CFAP45: variants seen among roughly 807,000 people sequenced by gnomAD.
The protein encoded by CFAP45 is cilia- and flagella-associated protein 45.
Under a neutral mutation model 75.6 loss-of-function variants are expected in CFAP45, and 43 were observed. The ratio of observed to expected loss-of-function variants is 0.57; its 90% CI spans 0.45 to 0.73. The LOEUF is 0.73. CFAP45 is among the 30% of genes least tolerant of loss of function. The pLI is 0.00. For synonymous variants in CFAP45, 223 were observed against 244.6 expected (o/e 0.91, Z 0.82); for missense variants, 689 against 701.5 (o/e 0.98, Z 0.20).
At chr1:159,881,426 C>T (rs1429094592) in intron 7 of CFAP45, among the ~76,000 whole-genome samples, 10 of 152,234 alleles carry the variant, frequency 6.6e-5, no homozygotes, top group Non-Finnish European at 1.5e-4. Context: ...TGGCGACACA[C>T]CTCTTGCAAG....
Position 159,888,331 on chromosome 1 carries a change from A to T in CFAP45, c.417+21T>A, listed in dbSNP as rs750940499. The T allele has an allele frequency of 1.9e-6, 3 of 1,611,916 alleles. No homozygotes were observed. The African/African-American group carries it at 4.0e-5, about 22-fold the overall frequency. ...TTCTGCCACCCATCTGCAGAGGTGA[A>T]GGCTTAGGGAGGTTAACTACCATGG... On this transcript the variant is annotated intron_variant, in intron 4 of 11. Coordinates refer to ENST00000368099, the MANE Select transcript of CFAP45 (RefSeq NM_012337.3).
intron 1 of CFAP45, chr1:159,898,157 G>A: frequency 2.0e-6 from 2 of 985,148 alleles, no homozygotes; most frequent in Non-Finnish European, 2.4e-6. Context: ...TTCCCTTTCT[G>A]TAGACTTTGG....
chr1:159,880,867 C>A (rs1649532877), intron 7 of CFAP45, among the ~76,000 whole-genome samples, 167 bp from the exon 8 acceptor site: 1 of 152,130 alleles, frequency 6.6e-6, no homozygotes, highest in Non-Finnish European at 1.5e-5. Context: ...GTCATAAATA[C>A]CCTCTTCAAC....
rs1409213130 is a variant in CFAP45, at chr1:159,893,235, T to C, written c.74A>G (p.Tyr25Cys). The change falls in exon 2 of 12, where the codon TAT becomes TGT. Residue 25 changes from tyrosine (Y) to cysteine (C), a missense_variant. Physicochemically the swap from Tyr to Cys is radical, Grantham distance 194. Transcript: ENST00000368099. ...ASNRSRNKAR[Y>C]RTKAVSSEVD... ...CTCAGAGCTCACGGCTTTGGTCCGA[T>C]AGCGAGCCTTATTCCTTGACCTGTT... 4 of 1,614,046 alleles carry C rather than the reference T, an allele frequency of 2.5e-6. No individual in the cohort carries two copies. The highest frequency in any genetic ancestry group is 3.3e-4 in the Middle Eastern group (2 of 6,012).
chr1:159,881,279 A>G lies in CFAP45; in HGVS notation c.898-579T>C, dbSNP rs369035672. Among the ~76,000 whole-genome samples the G allele has an allele frequency of 2.4e-4, 37 of 152,370 alleles. No homozygotes were observed. The South Asian group carries it at 7.7e-3, about 32-fold the overall frequency. On this transcript the variant is annotated intron_variant, in intron 7 of 11. Coordinates refer to ENST00000368099, the MANE Select transcript of CFAP45 (RefSeq NM_012337.3). ...TTGAAGTGACTTCCCCACCGGCCAC[A>G]CAGCTTATAATCTCCAGAGCTAAAA... is the stretch of plus-strand genomic sequence containing the variant.
intron 10 of CFAP45, among the ~76,000 whole-genome samples, chr1:159,873,989 A>G (rs1649344490): frequency 6.6e-6 from 1 of 151,932 alleles, no homozygotes; most frequent in South Asian, 2.1e-4. Flanking sequence ...TCAGCCTGAT[A>G]TCGCTCAGTT....
intron 2 of CFAP45, 42 bp downstream of exon 2, chr1:159,893,138 C>A (rs1156966483): frequency 6.2e-7 from 1 of 1,609,322 alleles, no homozygotes; most frequent in Non-Finnish European, 8.5e-7. Flanking sequence ...TGGGCCTCTG[C>A]CTGCAGGTGG....
chr1:159,884,100 G>T (rs1258065785), intron 7 of CFAP45, among the ~76,000 whole-genome samples: 1 of 152,150 alleles, frequency 6.6e-6, no homozygotes, highest in Non-Finnish European at 1.5e-5. Flanking sequence ...ATATCCCTAG[G>T]TGATTGAAGG....
At chr1:159,893,148 G>A in intron 2 of CFAP45, 32 bp downstream of exon 2, 1 of 1,610,770 alleles carries the variant, frequency 6.2e-7, no homozygotes, top group Non-Finnish European at 8.5e-7. Flanking sequence ...CCTGCAGGTG[G>A]CATCAACTTG....
Position 159,887,944 on chromosome 1 carries a change from A to C in CFAP45, c.485T>G (p.Leu162Arg). The C allele has an allele frequency of 6.2e-7, 1 of 1,614,102 alleles. No individual in the cohort carries two copies. Among genetic ancestry groups the C allele is most frequent in the Non-Finnish European group, 8.5e-7 (1 of 1,180,022 alleles). ...CTTGGCCACCTCCTCCAGGTCACTG[A>C]GCTTCTTGTTGTTGTTCCACACCAT... is the stretch of plus-strand genomic sequence containing the variant. ...KEMVWNNNKK[L>R]SDLEEVAKER... The change falls in exon 5 of 12, where the codon CTC becomes CGC. Residue 162 changes from leucine to arginine, a missense_variant. By Grantham distance (102) the Leu-to-Arg change is moderately radical. Coordinates refer to ENST00000368099, the MANE Select transcript of CFAP45 (RefSeq NM_012337.3).
At chr1:159,879,098 T>C (rs1649487293) in intron 8 of CFAP45, among the ~76,000 whole-genome samples, 2 of 152,162 alleles carry the variant, frequency 1.3e-5, no homozygotes, top group Non-Finnish European at 2.9e-5. Context: ...ACCTTGACAA[T>C]GTCCTTTCCA....
chr1:159,895,228 A>G (rs1381822738), intron 1 of CFAP45, among the ~76,000 whole-genome samples: 3 of 152,200 alleles, frequency 2.0e-5, no homozygotes, highest in Admixed American at 2.0e-4. Context: ...CAGGCTTATG[A>G]TAAAGCTGAT....
At chr1:159,876,395 T>C in intron 10 of CFAP45, 161 bp downstream of exon 10, 1 of 621,914 alleles carries the variant, frequency 1.6e-6, no homozygotes, top group South Asian at 2.0e-5. Context: ...CTCAAGTGAT[T>C]TTTAAAAGTT....
At chr1:159,899,398 A>G (rs1250084272) in intron 1 of CFAP45, among the ~76,000 whole-genome samples, 1 of 150,932 alleles carries the variant, frequency 6.6e-6, no homozygotes, top group Non-Finnish European at 1.5e-5. Flanking sequence ...ACTTACCCAC[A>G]GTCACCTTGC....
Position 159,872,522 on chromosome 1 carries a change from C to T in CFAP45, c.1619G>A (p.Arg540His), listed in dbSNP as rs765439759. ...LPEKYCIEAE[R>H]KANILPATSV... The stretch of plus-strand genomic sequence containing the variant: ...GGTAGCTGGCAGGATGTTAGCTTTG[C>T]GCTCAGCTTCAATGCAGTACTTCTC... Residue 540 changes from arginine to histidine, a missense_variant, in exon 12 of 12, where the codon CGC (arginine) becomes CAC (histidine). Arg to His is a conservative substitution (Grantham distance 29). Transcript: ENST00000368099. 9.3e-6 allele frequency: 15 copies of T among 1,614,154 alleles called. No individual in the cohort carries two copies. Among genetic ancestry groups the T allele is most frequent in the Admixed American group, 1.7e-5 (1 of 60,034 alleles).
Position 159,878,494 on chromosome 1 carries a change from C to G in CFAP45, c.1045-1032G>C, listed in dbSNP as rs191458077. Reference sequence around the variant, plus strand: ...TCCCGGCCAGGCATGGTGGCTCATGCCTGTAATCCCAGCACTTTGGGAGGC... The same window carrying G: ...TCCCGGCCAGGCATGGTGGCTCATGGCTGTAATCCCAGCACTTTGGGAGGC... On this transcript the variant is annotated intron_variant, in intron 8 of 11. Coordinates refer to ENST00000368099, the MANE Select transcript of CFAP45 (RefSeq NM_012337.3). Among the ~76,000 whole-genome samples, 254 of 152,134 alleles carry G rather than the reference C, an allele frequency of 1.7e-3. 3 individuals are homozygous for G. The highest frequency in any genetic ancestry group is 5.8e-3 in the African/African-American group (240 of 41,514).
intron 2 of CFAP45, 64 bp from the exon 3 acceptor site, chr1:159,890,686 C>G: frequency 6.6e-7 from 1 of 1,515,178 alleles, no homozygotes; most frequent in Non-Finnish European, 9.1e-7. Context: ...TCAGTCCTAA[C>G]TTCAAGGATA....
chr1:159,896,227 C>G (rs141297006), intron 1 of CFAP45, among the ~76,000 whole-genome samples: 124 of 152,338 alleles, frequency 8.1e-4, no homozygotes, highest in African/African-American at 2.8e-3. Flanking sequence ...GAGCCTGCAT[C>G]TCCTGTTTCC....
At chr1:159,876,525 A>G (rs772837036) in intron 10 of CFAP45, 31 bp downstream of exon 10, 4 of 1,497,942 alleles carry the variant, frequency 2.7e-6, no homozygotes, top group Non-Finnish European at 3.7e-6. Flanking sequence ...AGTACAAGGA[A>G]AGGAATCCAA....
Sources: gnomAD v4.1 joint callset for allele counts (sites outside exome capture counted in the v4.1 genomes callset) on GRCh38, gnomAD v4.1.1 for gene constraint, MANE v1.5 for transcripts, NCBI Gene and HGNC (gene_info 2026-07-23, HGNC 2026-07-21) for gene names.